RUNX1T1: variants seen among roughly 807,000 people sequenced by gnomAD.
The protein encoded by RUNX1T1 is protein CBFA2T1.
A neutral mutation model predicts 62.8 loss-of-function variants in RUNX1T1; 4 were observed. The ratio of observed to expected loss-of-function variants is 0.06; its 90% CI spans 0.03 to 0.15. The LOEUF is 0.15. RUNX1T1 is among the 10% of genes least tolerant of loss of function. RUNX1T1 has a pLI of 1.00. For missense variants in RUNX1T1, 508 were observed against 754.3 expected, an observed-to-expected ratio of 0.67 and a Z score of 3.82; for synonymous variants, 291 against 286.0, an observed-to-expected ratio of 1.02 and a Z score of -0.18.
intron 10 of RUNX1T1, among the ~76,000 whole-genome samples, chr8:91,965,425 G>T (rs1273274761): frequency 6.6e-6 from 1 of 152,194 alleles, no homozygotes; most frequent in Non-Finnish European, 1.5e-5. Context: ...GACAGTGAGG[G>T]AGGGAGGGAT....
At chr8:92,048,606 TAGAA>T (rs528177749) in intron 1 of RUNX1T1, among the ~76,000 whole-genome samples, 262 of 152,018 alleles carry the variant, frequency 1.7e-3, no homozygotes, top group Non-Finnish European at 2.5e-3. Context: ...AGTAAGAAGA[TAGAA>T]AGACAGACAG....
intron 1 of RUNX1T1, among the ~76,000 whole-genome samples, chr8:92,087,635 G>A (rs957154106): frequency 9.2e-5 from 14 of 152,078 alleles, no homozygotes; most frequent in Admixed American, 5.9e-4. Context: ...GAACTGAGCC[G>A]ACTACCTGCT....
intron 5 of RUNX1T1, chr8:92,003,274 C>T (rs1187261654): frequency 2.3e-6 from 1 of 430,578 alleles, no homozygotes; most frequent in Non-Finnish European, 4.7e-6. Context: ...GTTTTCATAT[C>T]AGTGTTAACA....
At chr8:91,996,507 T>G (rs896183780) in intron 5 of RUNX1T1, among the ~76,000 whole-genome samples, 7 of 152,164 alleles carry the variant, frequency 4.6e-5, no homozygotes, top group African/African-American at 1.7e-4. Flanking sequence ...GGCTTATTTG[T>G]TTTTTAAGTC....
At chr8:92,014,301 A>ACG (rs1404379756) in intron 3 of RUNX1T1, among the ~76,000 whole-genome samples, 2 of 151,992 alleles carry the variant, frequency 1.3e-5, no homozygotes, top group Non-Finnish European at 2.9e-5. Context: ...ACACACACAC[A>ACG]CATTTATATA....
At chr8:92,001,931 A>G (rs1192699895) in intron 5 of RUNX1T1, among the ~76,000 whole-genome samples, 1 of 152,190 alleles carries the variant, frequency 6.6e-6, no homozygotes, top group Non-Finnish European at 1.5e-5. Flanking sequence ...TTCCTACACA[A>G]AAGTGCTTGT....
chr8:92,100,424 C>T (rs943728126), upstream of RUNX1T1, among the ~76,000 whole-genome samples: 9 of 152,048 alleles, frequency 5.9e-5, no homozygotes, highest in Non-Finnish European at 1.2e-4. Context: ...TTATTAATGA[C>T]TGAACAAAAA....
chr8:92,018,323 G>C (rs1242005238), intron 1 of RUNX1T1, among the ~76,000 whole-genome samples: 3 of 152,066 alleles, frequency 2.0e-5, no homozygotes, highest in Non-Finnish European at 4.4e-5. Flanking sequence ...AAATAATTTT[G>C]GTATCATTTT....
At chr8:92,082,120 C>T (rs938069396) in intron 1 of RUNX1T1, among the ~76,000 whole-genome samples, 21 of 152,198 alleles carry the variant, frequency 1.4e-4, no homozygotes, top group African/African-American at 3.9e-4. Context: ...CTCCTGACCT[C>T]GTGATCCGCC....
upstream of RUNX1T1, among the ~76,000 whole-genome samples, chr8:92,101,325 G>A (rs1286439655): frequency 5.9e-5 from 9 of 152,204 alleles, no homozygotes; most frequent in Non-Finnish European, 1.2e-4. Context: ...GAAAAGCGAA[G>A]TTAAAGATTC....
intron 3 of RUNX1T1, among the ~76,000 whole-genome samples, chr8:92,012,396 T>A (rs1159255293): frequency 1.3e-5 from 2 of 151,688 alleles, no homozygotes; most frequent in African/African-American, 4.8e-5. Flanking sequence ...TAGCCAGGTG[T>A]GGTGGTGTGT....
At chr8:91,985,992 T>C (rs906912382) in intron 8 of RUNX1T1, 132 bp downstream of exon 9, 11 of 726,184 alleles carry the variant, frequency 1.5e-5, no homozygotes, top group South Asian at 3.3e-5. Context: ...ACAAGACATA[T>C]TGGAGGATAT....
At chr8:91,969,853 T>G (rs1053695104) in intron 10 of RUNX1T1, among the ~76,000 whole-genome samples, 1 of 152,180 alleles carries the variant, frequency 6.6e-6, no homozygotes, top group Non-Finnish European at 1.5e-5. Context: ...GAGCAGCCCA[T>G]TGTAGTCCTT....
chr8:92,081,538 T>A (rs1056583785), intron 1 of RUNX1T1, among the ~76,000 whole-genome samples: 2 of 145,212 alleles, frequency 1.4e-5, no homozygotes, highest in Admixed American at 1.4e-4. Context: ...GTTTGGTAGT[T>A]TTTTTTTTTT....
At chr8:91,960,302 T>C (rs1810042250) in exon 11 of RUNX1T1, 10 of 1,610,732 alleles carry the variant, frequency 6.2e-6, no homozygotes, top group Non-Finnish European at 8.5e-6. Flanking sequence ...TCGGAGTGGC[T>C]GCTGGTGGTG....
chr8:91,970,043 T>TGTGTTG (rs11374252), intron 10 of RUNX1T1, among the ~76,000 whole-genome samples: 2 of 142,810 alleles, frequency 1.4e-5, no homozygotes, highest in African/African-American at 5.3e-5. Flanking sequence ...TGTGTGTGTG[T>TGTGTTG]TGTGTGTGTG....
intron 7 of RUNX1T1, 59 bp from the exon 9 acceptor site, chr8:91,986,384 G>A: frequency 1.5e-6 from 2 of 1,347,772 alleles, no homozygotes; most frequent in Non-Finnish European, 2.1e-6. Flanking sequence ...TAAAGATTTT[G>A]CTGAGTAGTG....
At chr8:92,068,461 G>C (rs1160696134) in intron 2 of RUNX1T1, among the ~76,000 whole-genome samples, 3 of 152,118 alleles carry the variant, frequency 2.0e-5, no homozygotes, top group Admixed American at 2.0e-4. Context: ...CATCTGGACA[G>C]CTTTCCCTCA....
At chr8:92,055,517 C>A (rs1288360094) in intron 1 of RUNX1T1, among the ~76,000 whole-genome samples, 2 of 152,142 alleles carry the variant, frequency 1.3e-5, no homozygotes, top group African/African-American at 4.8e-5. Flanking sequence ...TCATAGCTCA[C>A]TGCAAACTTG....
Sources: gnomAD v4.1 joint callset for allele counts (sites outside exome capture counted in the v4.1 genomes callset) on GRCh38, gnomAD v4.1.1 for gene constraint, MANE v1.5 for transcripts, NCBI Gene and HGNC (gene_info 2026-07-23, HGNC 2026-07-21) for gene names.